CSNK1G1: variants seen among roughly 807,000 people sequenced by gnomAD.
The protein encoded by CSNK1G1 is casein kinase I isoform gamma-1.
CSNK1G1 carries 22 observed loss-of-function variants against 59.6 expected under a neutral mutation model. The observed-to-expected ratio is 0.37, with a 90% confidence interval of 0.26 to 0.53. The LOEUF (loss-of-function observed/expected upper bound fraction) is 0.53. Among genes scored for constraint, CSNK1G1 ranks in the 20% least tolerant of loss-of-function variants. The probability of loss-of-function intolerance (pLI) is 0.89; values close to 1 mark genes in which losing one functional copy is unlikely to be tolerated. For synonymous variants in CSNK1G1, 179 were observed against 177.1 expected, an observed-to-expected ratio of 1.01 and a Z score of -0.08; for missense variants, 384 against 519.5, an observed-to-expected ratio of 0.74 and a Z score of 2.54.
chr15:64,286,610 G>T (rs1217135151), intron 2 of CSNK1G1, among the ~76,000 whole-genome samples: 2 of 151,912 alleles, frequency 1.3e-5, no homozygotes, highest in African/African-American at 4.8e-5. Context: ...CAAAAGCAGG[G>T]TCCATGTCTT....
At chr15:64,198,586 A>G (rs533920875) in intron 10 of CSNK1G1, among the ~76,000 whole-genome samples, 123 of 152,246 alleles carry the variant, frequency 8.1e-4, no homozygotes, top group African/African-American at 2.9e-3. Flanking sequence ...AGCTGTTCCT[A>G]AAGTCAATAC....
At chr15:64,333,786 AAAC>A (rs1216000964) in intron 1 of CSNK1G1, among the ~76,000 whole-genome samples, 1 of 152,234 alleles carries the variant, frequency 6.6e-6, no homozygotes, top group African/African-American at 2.4e-5. Context: ...GACTTTAAAG[AAAC>A]AACAGTTTAA....
chr15:64,259,362 A>G, intron 2 of CSNK1G1, 121 bp from the exon 3 acceptor site: 1 of 649,734 alleles, frequency 1.5e-6, no homozygotes, highest in Non-Finnish European at 2.6e-6. Context: ...CATAAATGAA[A>G]CTTGATTTAT....
intron 2 of CSNK1G1, among the ~76,000 whole-genome samples, chr15:64,269,492 A>ATT (rs36065606): frequency 1.8e-4 from 21 of 117,204 alleles, no homozygotes; most frequent in South Asian, 2.8e-4. Flanking sequence ...TCTGATGGCT[A>ATT]TTTTTTTTTT....
chr15:64,352,602 T>G (rs961520964), intron 1 of CSNK1G1, among the ~76,000 whole-genome samples: 8 of 150,532 alleles, frequency 5.3e-5, no homozygotes, highest in Non-Finnish European at 8.9e-5. Context: ...TGCTCCATCA[T>G]GCCTGACTAA....
intron 1 of CSNK1G1, among the ~76,000 whole-genome samples, chr15:64,351,126 T>C (rs1239644470): frequency 6.6e-6 from 1 of 152,174 alleles, no homozygotes; most frequent in Non-Finnish European, 1.5e-5. Flanking sequence ...TATTTATCCT[T>C]ATTAGAGACT....
intron 4 of CSNK1G1, among the ~76,000 whole-genome samples, chr15:64,236,353 G>A (rs914392125): frequency 2.0e-5 from 3 of 152,068 alleles, no homozygotes; most frequent in African/African-American, 7.2e-5. Context: ...TCAACAGGGA[G>A]AGGAGATAAC....
intron 8 of CSNK1G1, 119 bp from the exon 9 acceptor site, chr15:64,204,708 T>C: frequency 1.6e-6 from 2 of 1,253,660 alleles, no homozygotes; most frequent in Non-Finnish European, 2.3e-6. Flanking sequence ...TGATGTTTTC[T>C]TTACTGACAA....
At chr15:64,351,367 G>A (rs564440793) in intron 1 of CSNK1G1, among the ~76,000 whole-genome samples, 74 of 152,176 alleles carry the variant, frequency 4.9e-4, no homozygotes, top group African/African-American at 1.8e-3. Context: ...AACTTTCTGA[G>A]GTCATCCAAG....
chr15:64,297,927 T>C (rs190950934), intron 2 of CSNK1G1, among the ~76,000 whole-genome samples: 3 of 152,310 alleles, frequency 2.0e-5, no homozygotes, highest in African/African-American at 7.2e-5. Context: ...GTCAGGAAGA[T>C]GCCAGATAAT....
chr15:64,246,959 T>C (rs1029891915), intron 4 of CSNK1G1, among the ~76,000 whole-genome samples: 1 of 152,130 alleles, frequency 6.6e-6, no homozygotes, highest in Non-Finnish European at 1.5e-5. Context: ...ATTCATCTTC[T>C]AGTCAATTAA....
In CSNK1G1 at chr15:64,277,688, T is replaced by C. The variant is rs1190718442; in HGVS notation, c.182-18447A>G. Among the ~76,000 whole-genome samples the C allele has an allele frequency of 2.3e-5, 3 of 133,132 alleles. No homozygotes were observed. The Admixed American group carries it at 2.5e-4, about 11-fold the overall frequency. 87.3% of individuals were successfully genotyped at this position (133,132 alleles called of 152,430 possible). A position where few individuals can be genotyped will look rare whatever the true frequency, so the allele number is the denominator to read the frequency against. On this transcript the variant is annotated intron_variant, in intron 2 of 11. Coordinates refer to ENST00000303052, the MANE Select transcript of CSNK1G1 (RefSeq NM_022048.5). Reference sequence around the variant, plus strand: ...TGATATATTTAATAATATAGCAATATTGATATATTTAATAATATATTAATA... The same window carrying C: ...TGATATATTTAATAATATAGCAATACTGATATATTTAATAATATATTAATA...
At chr15:64,295,215 T>G (rs780096298) in intron 2 of CSNK1G1, among the ~76,000 whole-genome samples, 6 of 152,168 alleles carry the variant, frequency 3.9e-5, no homozygotes, top group Middle Eastern at 3.2e-3. Context: ...ATATTTACTA[T>G]CTCAATTAAC....
chr15:64,330,166 C>T (rs1257393139), intron 1 of CSNK1G1, among the ~76,000 whole-genome samples: 2 of 101,030 alleles, frequency 2.0e-5, no homozygotes, highest in Non-Finnish European at 4.0e-5. Flanking sequence ...TCCTCCCTAA[C>T]TCATTTTATG....
chr15:64,255,221 T>C (rs960426373), intron 3 of CSNK1G1, among the ~76,000 whole-genome samples: 1 of 152,074 alleles, frequency 6.6e-6, no homozygotes, highest in Non-Finnish European at 1.5e-5. Context: ...AGACTACAGA[T>C]GCACACCACC....
chr15:64,279,256 G>A (rs974928305), intron 2 of CSNK1G1, among the ~76,000 whole-genome samples: 4 of 152,086 alleles, frequency 2.6e-5, no homozygotes, highest in Non-Finnish European at 4.4e-5. Context: ...CATACCAGTA[G>A]GTTTTCTGGT....
At chr15:64,323,523 G>A (rs1017971990) in intron 1 of CSNK1G1, among the ~76,000 whole-genome samples, 66 of 151,870 alleles carry the variant, frequency 4.3e-4, no homozygotes, top group Non-Finnish European at 8.8e-4. Context: ...GTGCCACCAC[G>A]CCCAGCTAAT....
intron 10 of CSNK1G1, chr15:64,181,080 T>A (rs2081806658): frequency 1.0e-5 from 13 of 1,291,288 alleles, no homozygotes; most frequent in Non-Finnish European, 1.2e-5. Flanking sequence ...AATTTCCTCA[T>A]GGCTTTGAGC....
At chr15:64,239,445 G>C (rs1179821997) in intron 4 of CSNK1G1, among the ~76,000 whole-genome samples, 1 of 152,038 alleles carries the variant, frequency 6.6e-6, no homozygotes, top group Non-Finnish European at 1.5e-5. Context: ...GCACAAACAT[G>C]GCTCACTGCA....
Sources: gnomAD v4.1 joint callset for allele counts (sites outside exome capture counted in the v4.1 genomes callset) on GRCh38, gnomAD v4.1.1 for gene constraint, MANE v1.5 for transcripts, NCBI Gene and HGNC (gene_info 2026-07-23, HGNC 2026-07-21) for gene names.